The following OPHN1 variants were observed in gnomAD, a reference collection of about 807,000 sequenced individuals.
The protein encoded by OPHN1 is oligophrenin 1, also known as oligophrenin-1.
Under a neutral mutation model 60.7 loss-of-function variants are expected in OPHN1, and 11 were observed. The observed-to-expected ratio is 0.18, with a 90% confidence interval of 0.11 to 0.30. The LOEUF is 0.30. Ranked by LOEUF, OPHN1 falls within the 10% of genes least tolerant of loss-of-function variation. OPHN1 has a pLI of 1.00. For synonymous variants in OPHN1, 226 were observed against 222.6 expected (o/e 1.02, Z -0.14); for missense variants, 449 against 611.0 (o/e 0.73, Z 2.80).
chrX:68,145,299 AAACT>A (rs1277768787), intron 15 of OPHN1, among the ~76,000 whole-genome samples: 1 of 111,931 alleles, frequency 8.9e-6, no homozygotes, highest in Non-Finnish European at 1.9e-5. Context: ...CACCTATCAC[AAACT>A]GTTATTGCAT....
chrX:68,194,965 CAAAA>C (rs1159967989), intron 12 of OPHN1, among the ~76,000 whole-genome samples: 2 of 67,128 alleles, frequency 3.0e-5, no homozygotes, highest in Non-Finnish European at 5.2e-5. Context: ...GAGACTCTGT[CAAAA>C]AAAAAAGAAA....
chrX:68,251,419 C>T (rs1016143660), intron 5 of OPHN1, among the ~76,000 whole-genome samples: 3 of 109,144 alleles, frequency 2.7e-5, no homozygotes, highest in African/African-American at 1.0e-4. Flanking sequence ...CTCCTGACCT[C>T]GTGATCCACC....
chrX:68,174,237 C>T (rs1158274786), intron 15 of OPHN1, among the ~76,000 whole-genome samples: 3 of 111,219 alleles, frequency 2.7e-5, no homozygotes, highest in Non-Finnish European at 5.6e-5. Context: ...CACAAAGCCA[C>T]CCTTTATAAC....
intron 19 of OPHN1, among the ~76,000 whole-genome samples, chrX:68,074,235 G>A (rs2076945748): frequency 2.7e-5 from 3 of 112,012 alleles, no homozygotes; most frequent in East Asian, 2.8e-4. Flanking sequence ...GACTACATGG[G>A]CATGGAAATA....
chrX:68,410,223 A>G (rs1325164059), intron 2 of OPHN1, among the ~76,000 whole-genome samples: 1 of 111,914 alleles, frequency 8.9e-6, no homozygotes, highest in Non-Finnish European at 1.9e-5. Context: ...CCACAGACTG[A>G]GTAATTTATA....
At chrX:68,287,785 G>T (rs1008234739) in intron 3 of OPHN1, among the ~76,000 whole-genome samples, 1 of 111,987 alleles carries the variant, frequency 8.9e-6, no homozygotes, top group African/African-American at 3.2e-5. Context: ...TAATAAACAT[G>T]CACTGTTTTG....
chrX:68,308,943 CTATT>C (rs2078159755), intron 2 of OPHN1, among the ~76,000 whole-genome samples: 1 of 109,249 alleles, frequency 9.2e-6, no homozygotes, highest in African/African-American at 3.3e-5. Context: ...TGACACCTGG[CTATT>C]TATTTTTTTA....
At chrX:68,214,943 G>T (rs1314297569) in intron 6 of OPHN1, among the ~76,000 whole-genome samples, 1 of 111,884 alleles carries the variant, frequency 8.9e-6, no homozygotes, top group East Asian at 2.8e-4. Flanking sequence ...ACTGCAGTGA[G>T]CCGAGATCGT....
At chrX:68,360,334 A>T (rs1004862655) in intron 2 of OPHN1, among the ~76,000 whole-genome samples, 2 of 110,066 alleles carry the variant, frequency 1.8e-5, no homozygotes, top group Non-Finnish European at 3.8e-5. Context: ...CGCGGCACCA[A>T]ACCCAGCTAA....
intron 15 of OPHN1, among the ~76,000 whole-genome samples, chrX:68,166,898 T>C (rs1400128125): frequency 8.9e-6 from 1 of 112,266 alleles, no homozygotes. Flanking sequence ...TATTACAGAC[T>C]TAAATCTAAG....
chrX:68,325,029 C>A (rs757585808), intron 2 of OPHN1, among the ~76,000 whole-genome samples: 29 of 111,671 alleles, frequency 2.6e-4, no homozygotes, highest in African/African-American at 9.4e-4. Context: ...CAAGTTGGGG[C>A]AACAGAGCAA....
intron 6 of OPHN1, among the ~76,000 whole-genome samples, chrX:68,221,107 C>T (rs1436852684): frequency 1.1e-5 from 1 of 93,883 alleles, no homozygotes; most frequent in Non-Finnish European, 2.1e-5. Context: ...AATCAATGTA[C>T]AAAAATCACA....
intron 8 of OPHN1, among the ~76,000 whole-genome samples, chrX:68,211,658 A>G (rs999556047): frequency 8.9e-6 from 1 of 112,497 alleles, no homozygotes; most frequent in African/African-American, 3.2e-5. Flanking sequence ...AGGTAGAGAA[A>G]ACCTTTAAAA....
At chrX:68,082,530 G>A (rs1276573665) in intron 19 of OPHN1, among the ~76,000 whole-genome samples, 1 of 112,595 alleles carries the variant, frequency 8.9e-6, no homozygotes, top group Non-Finnish European at 1.9e-5. Context: ...CATCAGAGCT[G>A]CTGGGTGATT....
intron 15 of OPHN1, among the ~76,000 whole-genome samples, chrX:68,163,820 A>T (rs1345710466): frequency 9.0e-6 from 1 of 110,763 alleles, no homozygotes; most frequent in East Asian, 2.8e-4. Context: ...TTTGGCTTGC[A>T]TTTCTTTAAT....
chrX:68,092,495 C>G (rs1477105533), intron 19 of OPHN1, among the ~76,000 whole-genome samples: 2 of 111,815 alleles, frequency 1.8e-5, no homozygotes, highest in African/African-American at 6.5e-5. Context: ...CAGAAAAGAT[C>G]CTTGGTTACC....
chrX:68,107,470 G>A (rs1183288770), intron 18 of OPHN1, among the ~76,000 whole-genome samples: 1 of 111,771 alleles, frequency 8.9e-6, no homozygotes, highest in African/African-American at 3.3e-5. Flanking sequence ...CACAGTTAAT[G>A]TTTTATAATT....
chrX:68,089,300 T>C (rs1458646069), intron 19 of OPHN1, among the ~76,000 whole-genome samples: 2 of 111,572 alleles, frequency 1.8e-5, no homozygotes, highest in African/African-American at 6.5e-5. Flanking sequence ...CGCTGGCCAT[T>C]GAGGGGAATG....
chrX:68,165,686 CA>C (rs1440569742), intron 15 of OPHN1, among the ~76,000 whole-genome samples: 3 of 111,541 alleles, frequency 2.7e-5, no homozygotes, highest in Non-Finnish European at 3.8e-5. Flanking sequence ...AAAATGGCAC[CA>C]AGAAACTTGC....
Sources: gnomAD v4.1 joint callset for allele counts (sites outside exome capture counted in the v4.1 genomes callset) on GRCh38, gnomAD v4.1.1 for gene constraint, MANE v1.5 for transcripts, NCBI Gene and HGNC (gene_info 2026-07-23, HGNC 2026-07-21) for gene names.